Variants in SMARCA2 observed in about 807,000 individuals in gnomAD.
The protein encoded by SMARCA2 is SWI/SNF-related matrix-associated actin-dependent regulator of chromatin subfamily A member 2.
In SMARCA2, 61 loss-of-function variants were observed where a neutral mutation model predicts 199.8. That is an observed-to-expected ratio of 0.31 (90% CI 0.25 to 0.38). SMARCA2 has a LOEUF of 0.38. Ranked by LOEUF, SMARCA2 falls within the 10% of genes least tolerant of loss-of-function variation. The pLI, the probability that SMARCA2 is intolerant of heterozygous loss-of-function variation, is 1.00. For synonymous variants in SMARCA2, 935 were observed against 732.0 expected (o/e 1.28, Z -4.48); for missense variants, 1,344 against 2,012.2 (o/e 0.67, Z 6.35).
chr9:2,058,526 C>A, intron 8 of SMARCA2, 62 bp downstream of exon 8: 1 of 1,332,648 alleles, frequency 7.5e-7, no homozygotes, highest in Non-Finnish European at 1.1e-6. Context: ...GCAATGAGAC[C>A]ATTAAATATG....
rs537901618 is a variant in SMARCA2, at chr9:2,187,468, T to C, written c.4594+1240T>C. On this transcript the variant is annotated intron_variant, in intron 32 of 33. Coordinates refer to ENST00000349721, the MANE Select transcript of SMARCA2 (RefSeq NM_003070.5). Reference sequence around the variant, plus strand: ...AGAAGGATAGCTTGAGGCTAGGAGTTCAAGACCAGCCTGGATAACATAGCA... The same window carrying C: ...AGAAGGATAGCTTGAGGCTAGGAGTCCAAGACCAGCCTGGATAACATAGCA... 4.6e-5 allele frequency among the ~76,000 whole-genome samples: 7 copies of C among 152,160 alleles called. No individual in the cohort carries two copies. In the South Asian group the frequency reaches 1.5e-3, roughly 32 times the overall value.
chr9:2,050,326 TTTTTTTTC>T (rs1239093816), intron 5 of SMARCA2, among the ~76,000 whole-genome samples: 1 of 152,086 alleles, frequency 6.6e-6, no homozygotes, highest in Non-Finnish European at 1.5e-5. Flanking sequence ...GTACTGCTTT[TTTTTTTTC>T]TTTTTTTTCT....
intron 32 of SMARCA2, among the ~76,000 whole-genome samples, chr9:2,188,589 C>T (rs950127303): frequency 6.6e-6 from 1 of 152,174 alleles, no homozygotes; most frequent in African/African-American, 2.4e-5. Context: ...AAGAGCTGCT[C>T]TCTTCCCCCA....
chr9:2,018,332 TG>T (rs1818453525), intron 1 of SMARCA2, among the ~76,000 whole-genome samples: 1 of 151,466 alleles, frequency 6.6e-6, no homozygotes. Flanking sequence ...ATATAACTTT[TG>T]GGTGAGTTTT....
At chr9:2,191,529 T>C in intron 33 of SMARCA2, 121 bp downstream of exon 33, 1 of 1,069,170 alleles carries the variant, frequency 9.4e-7, no homozygotes, top group Non-Finnish European at 1.4e-6. Flanking sequence ...ATGTCAGGAT[T>C]TAGTGAGATT....
At chr9:2,052,608 T>C (rs1320175807) in intron 5 of SMARCA2, among the ~76,000 whole-genome samples, 1 of 152,248 alleles carries the variant, frequency 6.6e-6, no homozygotes, top group African/African-American at 2.4e-5. Context: ...CAGTCTTAGA[T>C]ACTATTTTTA....
intron 9 of SMARCA2, among the ~76,000 whole-genome samples, chr9:2,069,481 C>T (rs1283503483): frequency 6.6e-6 from 1 of 151,240 alleles, no homozygotes; most frequent in Non-Finnish European, 1.5e-5. Flanking sequence ...ATGGCGTGAA[C>T]ACGGGAGGCG....
intron 9 of SMARCA2, among the ~76,000 whole-genome samples, chr9:2,066,537 G>A (rs531561737): frequency 2.0e-5 from 3 of 152,308 alleles, no homozygotes; most frequent in African/African-American, 4.8e-5. Context: ...TTAGTTATGA[G>A]TAATCTTTAG....
chr9:2,108,418 A>C (rs1428469186), intron 23 of SMARCA2, among the ~76,000 whole-genome samples: 1 of 152,262 alleles, frequency 6.6e-6, no homozygotes, highest in African/African-American at 2.4e-5. Context: ...CAGGGCAGGC[A>C]GACCTGATGA....
intron 2 of SMARCA2, 68 bp from the exon 3 acceptor site, chr9:2,032,884 C>A: frequency 6.8e-7 from 1 of 1,468,164 alleles, no homozygotes; most frequent in Non-Finnish European, 9.3e-7. Flanking sequence ...AGGAAGGGGT[C>A]TGAAAACTCC....
At chr9:2,192,251 T>C (rs1010257088) in intron 33 of SMARCA2, 1 of 164,216 alleles carries the variant, frequency 6.1e-6, no homozygotes. Context: ...TCCCTTTTCC[T>C]AGTTTGATTT....
At chr9:2,088,210 C>G (rs1395230773) in intron 18 of SMARCA2, among the ~76,000 whole-genome samples, 1 of 152,200 alleles carries the variant, frequency 6.6e-6, no homozygotes, top group East Asian at 1.9e-4. Context: ...ACAGTCATAT[C>G]CCATACAATT....
chr9:2,063,499 T>C (rs1164985889), intron 9 of SMARCA2, among the ~76,000 whole-genome samples: 1 of 152,208 alleles, frequency 6.6e-6, no homozygotes, highest in Non-Finnish European at 1.5e-5. Flanking sequence ...TTAAGTATTA[T>C]GCTGTACCTA....
intron 27 of SMARCA2, among the ~76,000 whole-genome samples, chr9:2,140,836 G>A (rs1320513245): frequency 2.6e-5 from 4 of 152,040 alleles, no homozygotes; most frequent in Non-Finnish European, 2.9e-5. Context: ...GCCCCTGCCC[G>A]TTAGTGGTAA....
chr9:2,082,007 C>G lies in SMARCA2; in HGVS notation c.2348+12C>G, dbSNP rs776510717. 6.2e-7 allele frequency: 1 copy of G among 1,609,384 alleles called. No individual in the cohort carries two copies. Among genetic ancestry groups the G allele is most frequent in the East Asian group, 2.2e-5 (1 of 44,822 alleles). ...ATTGTTCCCCTTTCGTAAGTAAAGTCATTTATTCCACAGTCATCGTTCTGT... is the reference window on the plus strand; with the variant it reads ...ATTGTTCCCCTTTCGTAAGTAAAGTGATTTATTCCACAGTCATCGTTCTGT... On this transcript the variant is annotated intron_variant, in intron 15 of 33. Transcript: ENST00000349721.
At chr9:2,106,856 C>T (rs926363406) in intron 23 of SMARCA2, among the ~76,000 whole-genome samples, 2 of 152,212 alleles carry the variant, frequency 1.3e-5, no homozygotes, top group African/African-American at 4.8e-5. Flanking sequence ...GCAGGTGAAA[C>T]TAAGTTAAAA....
rs757644039 is a variant in SMARCA2 at position 2,191,409 on chromosome 9, G to T, written c.4737+1G>T. The T allele has an allele frequency of 1.9e-6, 3 of 1,614,018 alleles. No individual in the cohort carries two copies. Among genetic ancestry groups the T allele is most frequent in the Non-Finnish European group, 2.5e-6 (3 of 1,179,894 alleles). On this transcript the variant is annotated splice_donor_variant, in intron 33 of 33. Coordinates refer to ENST00000349721, the MANE Select transcript of SMARCA2 (RefSeq NM_003070.5). LOFTEE classifies it high-confidence loss of function. ...CAGCGATGAGGAGCAGGATGAACGT[G>T]TAAGTGTAGCCGACTGGGACTGAAG...
chr9:2,030,571 C>A (rs550480230), intron 2 of SMARCA2, among the ~76,000 whole-genome samples: 1 of 147,626 alleles, frequency 6.8e-6, no homozygotes, highest in African/African-American at 2.5e-5. Context: ...CTTATTCAGG[C>A]CCTCCATGGA....
intron 13 of SMARCA2, among the ~76,000 whole-genome samples, chr9:2,076,669 C>T (rs1327371527): frequency 6.6e-6 from 1 of 152,072 alleles, no homozygotes; most frequent in Non-Finnish European, 1.5e-5. Context: ...TGAAACTTAT[C>T]TCCCTAACTG....
Sources: gnomAD v4.1 joint callset for allele counts (sites outside exome capture counted in the v4.1 genomes callset) on GRCh38, gnomAD v4.1.1 for gene constraint, MANE v1.5 for transcripts, NCBI Gene and HGNC (gene_info 2026-07-23, HGNC 2026-07-21) for gene names.